Variants in TRANK1 observed in about 807,000 individuals in gnomAD.
TRANK1 encodes the protein tetratricopeptide repeat and ankyrin repeat containing 1, also known as TPR and ankyrin repeat-containing protein 1.
A neutral mutation model predicts 266.0 loss-of-function variants in TRANK1; 198 were observed. The ratio of observed to expected loss-of-function variants is 0.74; its 90% CI spans 0.66 to 0.84. The LOEUF (loss-of-function observed/expected upper bound fraction) is 0.84. TRANK1 is among the 40% of genes least tolerant of loss of function. The pLI is 0.00. For synonymous variants in TRANK1, 1,396 were observed against 1,384.1 expected (o/e 1.01, Z -0.19); for missense variants, 3,326 against 3,634.6 (o/e 0.92, Z 2.18).
chr3:36,840,597 T>C (rs181805539), intron 18 of TRANK1, among the ~76,000 whole-genome samples: 4 of 152,368 alleles, frequency 2.6e-5, no homozygotes, highest in Non-Finnish European at 5.9e-5. Context: ...GAAGCGGCAC[T>C]GGGCCAGTTC....
chr3:36,905,567 G>C (rs2079953594), intron 2 of TRANK1, among the ~76,000 whole-genome samples: 1 of 152,152 alleles, frequency 6.6e-6, no homozygotes, highest in Non-Finnish European at 1.5e-5. Flanking sequence ...AATTTCTGTT[G>C]TTTAAGCCAC....
At chr3:36,943,405 A>G (rs2080524516) in intron 1 of TRANK1, among the ~76,000 whole-genome samples, 1 of 151,654 alleles carries the variant, frequency 6.6e-6, no homozygotes, top group South Asian at 2.1e-4. Flanking sequence ...AGACCTAGAA[A>G]CCCATACATA....
intron 8 of TRANK1, 61 bp from the exon 9 acceptor site, chr3:36,874,357 T>C (rs924006402): frequency 2.7e-6 from 4 of 1,499,504 alleles, no homozygotes; most frequent in Non-Finnish European, 3.6e-6. Flanking sequence ...GATGTCCCCA[T>C]GAGTGCTCTT....
chr3:36,835,307 A>G (rs2078754944), intron 20 of TRANK1, among the ~76,000 whole-genome samples: 1 of 112,016 alleles, frequency 8.9e-6, no homozygotes, highest in Admixed American at 1.2e-4. Context: ...CGACAGAGCG[A>G]GACTCCGTCT....
chr3:36,932,843 G>A lies in TRANK1; in HGVS notation c.23+11944C>T, dbSNP rs186216253. 2.0e-5 allele frequency among the ~76,000 whole-genome samples: 3 copies of A among 152,294 alleles called. No individual in the cohort carries two copies. The East Asian group carries it at 5.8e-4, about 29-fold the overall frequency. On this transcript the variant is annotated intron_variant, in intron 1 of 23. Transcript: ENST00000645898. ...TACATTTTTCTGTTGTTTTAGGTCA[G>A]CTAATTTGTGGTAGTTTGTTTTTGC...
chr3:36,942,786 T>A (rs551332173), intron 1 of TRANK1, among the ~76,000 whole-genome samples: 2 of 151,580 alleles, frequency 1.3e-5, no homozygotes, highest in East Asian at 1.9e-4. Flanking sequence ...CCTCATACTC[T>A]GGGAGAGCGG....
chr3:36,881,095 TC>T (rs2079525283), intron 8 of TRANK1, among the ~76,000 whole-genome samples: 2 of 151,806 alleles, frequency 1.3e-5, no homozygotes, highest in African/African-American at 4.8e-5. Context: ...TCAATATTTT[TC>T]CCCTTTAAAA....
rs1226575043 is a variant in TRANK1 at position 36,879,849 on chromosome 3, T to TAAACATGC, written c.908-5554_908-5553insGCATGTTT. Reference sequence around the variant, plus strand: ...ATATATGTAAATATACAAATATATGTAAATATACAAATATATGTAAACATA... The same window carrying TAAACATGC: ...ATATATGTAAATATACAAATATATGTAAACATGCAAATATACAAATATATGTAAACATA... On this transcript the variant is annotated intron_variant, in intron 8 of 23. Coordinates refer to ENST00000645898, the MANE Select transcript of TRANK1 (RefSeq NM_001329998.2). Among the ~76,000 whole-genome samples the TAAACATGC allele has an allele frequency of 3.2e-4, 36 of 111,706 alleles. 10 individuals are homozygous for TAAACATGC. Among genetic ancestry groups the TAAACATGC allele is most frequent in the Non-Finnish European group, 5.7e-4 (34 of 59,186 alleles). 73.3% of individuals were successfully genotyped at this position (111,706 alleles called of 152,430 possible).
At position 36,864,383 on chromosome 3, in the gene TRANK1, C is replaced by T. The variant is rs1377595172; in HGVS notation, c.1176G>A (p.Leu392=). ...VKYMNSGNRL[L]HKNFLKQEVV... is the part of the protein sequence containing the mutation. ...CTTCCTGCTTCAGAAAGTTTTTATG[C>T]AATAACCGGTTTCCTGAGTTCATAT... is the stretch of plus-strand genomic sequence containing the variant. The change falls in exon 10 of 24, where the codon TTG becomes TTA. Residue 392 remains leucine, a synonymous_variant. Transcript: ENST00000645898. 6.5e-7 allele frequency: 1 copy of T among 1,536,942 alleles called. No homozygotes were observed. The highest frequency in any genetic ancestry group is 1.2e-5 in the South Asian group (1 of 84,024).
At chr3:36,904,791 T>G (rs904482042) in intron 2 of TRANK1, among the ~76,000 whole-genome samples, 1 of 151,938 alleles carries the variant, frequency 6.6e-6, no homozygotes, top group Non-Finnish European at 1.5e-5. Flanking sequence ...ACCGCAAGTG[T>G]AAGAGATGCC....
chr3:36,893,027 C>A, intron 5 of TRANK1, 43 bp from the exon 6 acceptor site: 4 of 1,193,640 alleles, frequency 3.4e-6, no homozygotes, highest in South Asian at 1.6e-5. Context: ...TAATGTTCTC[C>A]ACATAGGTTA....
rs72862642 is a variant in TRANK1, at chr3:36,912,200, A to G, written c.24-3746T>C. Among the ~76,000 whole-genome samples the G allele has an allele frequency of 8.6e-3, 1,311 of 152,210 alleles. 25 individuals carry two copies. The highest frequency in any genetic ancestry group is 0.03 in the African/African-American group (1,229 of 41,534). On this transcript the variant is annotated intron_variant, in intron 1 of 23. Coordinates refer to ENST00000645898, the MANE Select transcript of TRANK1 (RefSeq NM_001329998.2). Reference sequence around the variant, plus strand: ...GTGAGACTCTGTCAAAAAAAAAAAAAAGTGCTATAAGGTCAGCGTGACTCT... The same window carrying G: ...GTGAGACTCTGTCAAAAAAAAAAAAGAGTGCTATAAGGTCAGCGTGACTCT...
In TRANK1 at chr3:36,908,405, C is replaced by T; in HGVS notation, c.73G>A (p.Val25Ile). 1 of 1,232,226 alleles carries T rather than the reference C, an allele frequency of 8.1e-7. No individual in the cohort carries two copies. The highest frequency in any genetic ancestry group is 1.0e-6 in the Non-Finnish European group (1 of 988,018). The allele number at this position is 1,232,226 out of a possible 1,614,324, so 76.3% of individuals were successfully genotyped here. A position where few individuals can be genotyped will look rare whatever the true frequency, so the allele number is the denominator to read the frequency against. Residue 25 changes from valine (V) to isoleucine (I), a missense_variant, in exon 2 of 24, where the codon GTT becomes ATT. Coordinates refer to ENST00000645898, the MANE Select transcript of TRANK1 (RefSeq NM_001329998.2). ...AAAGAGAAGTTCCCATTCTTAAGAA[C>T]CTGGTTGCCGGATTCTTTCAGCAGC... ...AELLKESGNQ[V>I]LKNGNFSLAI...
At chr3:36,903,014 G>T in intron 3 of TRANK1, 135 bp downstream of exon 3, 2 of 1,166,684 alleles carry the variant, frequency 1.7e-6, no homozygotes, top group Non-Finnish European at 2.3e-6. Context: ...AAAGAGGCAG[G>T]CTAAAAGGAA....
At chr3:36,901,038 C>T (rs977956068) in intron 3 of TRANK1, among the ~76,000 whole-genome samples, 1 of 149,638 alleles carries the variant, frequency 6.7e-6, no homozygotes, top group South Asian at 2.1e-4. Context: ...AAGTGTGTTT[C>T]GTTTTTTCTA....
intron 3 of TRANK1, among the ~76,000 whole-genome samples, chr3:36,901,888 G>A (rs977000727): frequency 6.6e-6 from 1 of 152,170 alleles, no homozygotes; most frequent in African/African-American, 2.4e-5. Context: ...CTCCACTTCC[G>A]GGATTTGGGC....
chr3:36,858,040 C>G lies in TRANK1; in HGVS notation c.1682G>C (p.Gly561Ala), dbSNP rs1214286706. The change falls in exon 13 of 24, where the codon GGT (glycine) becomes GCT (alanine). Residue 561 changes from glycine to alanine, a missense_variant. Physicochemically the swap from Gly to Ala is moderately conservative, Grantham distance 60. Coordinates refer to ENST00000645898, the MANE Select transcript of TRANK1 (RefSeq NM_001329998.2). ...CAACAGATGGCTGAGGAAGCTAAAA[C>G]CAATGTCAGCTGAAAGACACAAACA... is the stretch of plus-strand genomic sequence containing the variant. ...HIFLEIKADI[G>A]FSFLSHLLDL... 2.6e-6 allele frequency: 4 copies of G among 1,552,144 alleles called. No homozygotes were observed. Among genetic ancestry groups the G allele is most frequent in the Non-Finnish European group, 3.5e-6 (4 of 1,155,236 alleles).
In TRANK1 at chr3:36,860,987, C is replaced by T. The variant is rs1029953839; in HGVS notation, c.1414G>A (p.Asp472Asn). Reference sequence around the variant, plus strand: ...AGATGGGGGATGATGGTACAGATGTCGAGGTCTGAGAAGTTGCAGTCTTTG... The same window carrying T: ...AGATGGGGGATGATGGTACAGATGTTGAGGTCTGAGAAGTTGCAGTCTTTG... ...LIKDCNFSDL[D>N]ICTIIPHLST... The change falls in exon 11 of 24, where the codon GAC (aspartate) becomes AAC (asparagine). Residue 472 changes from aspartate (D) to asparagine (N), a missense_variant. By Grantham distance (23) the Asp-to-Asn change is conservative (BLOSUM62 1). Coordinates refer to ENST00000645898, the MANE Select transcript of TRANK1 (RefSeq NM_001329998.2). The T allele has an allele frequency of 1.4e-5, 22 of 1,537,644 alleles. No individual in the cohort carries two copies. The highest frequency in any genetic ancestry group is 3.6e-5 in the South Asian group (3 of 84,058).
intron 22 of TRANK1, among the ~76,000 whole-genome samples, chr3:36,830,359 A>G (rs972944405): frequency 2.6e-5 from 4 of 152,156 alleles, no homozygotes; most frequent in African/African-American, 7.2e-5. Context: ...CTAAAATAAC[A>G]TAAGAATTCT....
Sources: gnomAD v4.1 joint callset for allele counts (sites outside exome capture counted in the v4.1 genomes callset) on GRCh38, gnomAD v4.1.1 for gene constraint, MANE v1.5 for transcripts, NCBI Gene and HGNC (gene_info 2026-07-23, HGNC 2026-07-21) for gene names.